SH3RF3: variants seen among roughly 807,000 people sequenced by gnomAD.
SH3RF3 encodes the protein E3 ubiquitin-protein ligase SH3RF3.
Under a neutral mutation model 66.3 loss-of-function variants are expected in SH3RF3, and 29 were observed. The observed-to-expected ratio is 0.44, with a 90% CI of 0.33 to 0.60. The LOEUF is 0.60. Ranked by LOEUF, SH3RF3 falls within the 20% of genes least tolerant of loss-of-function variation. The probability of loss-of-function intolerance (pLI) is 0.04; values close to 1 mark genes in which losing one functional copy is unlikely to be tolerated. For synonymous variants in SH3RF3, 583 were observed against 532.0 expected (o/e 1.10, Z -1.32); for missense variants, 1,194 against 1,190.9 (o/e 1.00, Z -0.04).
chr2:109,199,782 T>A (rs897995766), intron 1 of SH3RF3, among the ~76,000 whole-genome samples: 5 of 23,866 alleles, frequency 2.1e-4, no homozygotes, highest in African/African-American at 4.8e-4. Context: ...TGGAATGGAA[T>A]GGAATGGAAT....
At chr2:109,268,196 A>G (rs1446975849) in intron 1 of SH3RF3, among the ~76,000 whole-genome samples, 2 of 152,044 alleles carry the variant, frequency 1.3e-5, no homozygotes, top group African/African-American at 4.8e-5. Context: ...TGGGCAGGCT[A>G]GAATAGGTTT....
chr2:109,209,290 C>T (rs370866591), intron 1 of SH3RF3, among the ~76,000 whole-genome samples: 142 of 152,210 alleles, frequency 9.3e-4, no homozygotes, highest in African/African-American at 3.3e-3. Flanking sequence ...CCAGGTCCTG[C>T]GCGGGTGATT....
chr2:109,317,608 G>T (rs59934589), intron 1 of SH3RF3, among the ~76,000 whole-genome samples: 40,529 of 152,072 alleles, frequency 0.27, 6,054 homozygotes, highest in East Asian at 0.65. Context: ...GTCCACCTTG[G>T]TTTCTGTGAC....
intron 1 of SH3RF3, among the ~76,000 whole-genome samples, chr2:109,173,337 C>T (rs6759516): frequency 0.82 from 125,000 of 152,062 alleles, 51,510 homozygotes; most frequent in East Asian, 0.89. Context: ...CTGTGCTCTG[C>T]CCGTTATCAA....
chr2:109,377,012 GGAACAGA>G (rs1210177168), intron 3 of SH3RF3, among the ~76,000 whole-genome samples: 1 of 152,274 alleles, frequency 6.6e-6, no homozygotes, highest in Non-Finnish European at 1.5e-5. Context: ...TGCTTAGGAA[GGAACAGA>G]GAGCCGCTCA....
intron 1 of SH3RF3, among the ~76,000 whole-genome samples, chr2:109,267,687 TG>T (rs1020789515): frequency 6.6e-6 from 1 of 152,204 alleles, no homozygotes; most frequent in African/African-American, 2.4e-5. Context: ...GCCCCACCCG[TG>T]ATCCCCTTTC....
chr2:109,259,259 C>G (rs1680295502), intron 1 of SH3RF3, among the ~76,000 whole-genome samples: 1 of 152,244 alleles, frequency 6.6e-6, no homozygotes, highest in Non-Finnish European at 1.5e-5. Flanking sequence ...GCACCCAGAC[C>G]TGCAGCTGCT....
intron 8 of SH3RF3, among the ~76,000 whole-genome samples, chr2:109,458,831 C>T (rs1294895671): frequency 6.6e-6 from 1 of 152,208 alleles, no homozygotes; most frequent in Non-Finnish European, 1.5e-5. Flanking sequence ...TTAAGGTAAA[C>T]TGGCTGTAGA....
At chr2:109,459,198 TAA>T (rs765698318) in intron 8 of SH3RF3, among the ~76,000 whole-genome samples, 6 of 152,080 alleles carry the variant, frequency 3.9e-5, no homozygotes, top group Non-Finnish European at 7.4e-5. Context: ...CATGGTGAGA[TAA>T]GAGAGAGAAG....
chr2:109,172,798 TAA>T (rs1249905935), intron 1 of SH3RF3, among the ~76,000 whole-genome samples: 5 of 152,264 alleles, frequency 3.3e-5, no homozygotes, highest in Admixed American at 1.3e-4. Context: ...GGAAGTGGTC[TAA>T]GTTTCCCAGT....
intron 1 of SH3RF3, among the ~76,000 whole-genome samples, chr2:109,210,635 C>T (rs1328695581): frequency 1.3e-5 from 2 of 152,104 alleles, no homozygotes; most frequent in Non-Finnish European, 2.9e-5. Context: ...CTGGTGGGGC[C>T]TGGAGTAAGG....
At chr2:109,359,810 G>A (rs1683018830) in intron 2 of SH3RF3, among the ~76,000 whole-genome samples, 1 of 152,134 alleles carries the variant, frequency 6.6e-6, no homozygotes, top group African/African-American at 2.4e-5. Flanking sequence ...CCCTTCAGCT[G>A]TGATATTTAT....
At chr2:109,388,574 A>G (rs1675891229) in intron 3 of SH3RF3, among the ~76,000 whole-genome samples, 1 of 152,230 alleles carries the variant, frequency 6.6e-6, no homozygotes, top group Non-Finnish European at 1.5e-5. Flanking sequence ...AGTGTTTAGA[A>G]TATACTCAAC....
At chr2:109,375,101 G>C (rs113979888) in intron 3 of SH3RF3, among the ~76,000 whole-genome samples, 2,921 of 152,136 alleles carry the variant, frequency 0.019, 94 homozygotes, top group African/African-American at 0.061. Context: ...AGAAATAATC[G>C]TCTCTCCACA....
intron 1 of SH3RF3, among the ~76,000 whole-genome samples, chr2:109,326,475 A>G (rs561614397): frequency 3.2e-4 from 49 of 152,260 alleles, no homozygotes; most frequent in African/African-American, 1.2e-3. Context: ...CAGTGGTGAG[A>G]GACGTTTCCT....
intron 9 of SH3RF3, among the ~76,000 whole-genome samples, chr2:109,493,665 T>C (rs1679186877): frequency 6.7e-6 from 1 of 149,854 alleles, no homozygotes; most frequent in Non-Finnish European, 1.5e-5. Context: ...ACACATATTA[T>C]ACAAACACAT....
At chr2:109,317,763 G>A (rs1574570059) in intron 1 of SH3RF3, among the ~76,000 whole-genome samples, 3 of 152,162 alleles carry the variant, frequency 2.0e-5, no homozygotes, top group South Asian at 4.1e-4. Flanking sequence ...GCTTCTGCTC[G>A]TGAGTGCCTT....
intron 5 of SH3RF3, among the ~76,000 whole-genome samples, chr2:109,424,975 T>C (rs997193733): frequency 6.6e-6 from 1 of 152,176 alleles, no homozygotes; most frequent in African/African-American, 2.4e-5. Flanking sequence ...CAAACAGTTA[T>C]CTAAGTTGTC....
At chr2:109,487,727 T>G (rs1411162768) in intron 8 of SH3RF3, among the ~76,000 whole-genome samples, 4 of 152,066 alleles carry the variant, frequency 2.6e-5, no homozygotes, top group Admixed American at 2.6e-4. Flanking sequence ...GGGCCCAAGG[T>G]GCCCTGGGAG....
Sources: gnomAD v4.1 joint callset for allele counts (sites outside exome capture counted in the v4.1 genomes callset) on GRCh38, gnomAD v4.1.1 for gene constraint, MANE v1.5 for transcripts, NCBI Gene and HGNC (gene_info 2026-07-23, HGNC 2026-07-21) for gene names.